Variants in XPR1 observed in about 807,000 individuals in gnomAD.
The protein encoded by XPR1 is xenotropic and polytropic retrovirus receptor 1.
A neutral mutation model predicts 87.5 loss-of-function variants in XPR1; 28 were observed. The ratio of observed to expected loss-of-function variants is 0.32; its 90% CI spans 0.24 to 0.44. The LOEUF (loss-of-function observed/expected upper bound fraction) is 0.44. XPR1 is among the 20% of genes least tolerant of loss of function. XPR1 has a pLI of 1.00. For missense variants in XPR1, 559 were observed against 862.3 expected (o/e 0.65, Z 4.41); for synonymous variants, 300 against 306.1 (o/e 0.98, Z 0.21).
rs905544225 is a variant in XPR1 at position 180,783,385 on chromosome 1, C to A, written c.122-4368C>A. Among the ~76,000 whole-genome samples the A allele has an allele frequency of 9.9e-5, 15 of 151,906 alleles. 1 individual carries two copies. The highest frequency in any genetic ancestry group is 2.4e-5 in the African/African-American group (1 of 41,380). On this transcript the variant is annotated intron_variant, in intron 2 of 14. Coordinates refer to ENST00000367590, the MANE Select transcript of XPR1 (RefSeq NM_004736.4). ...CAGTTAATAATATCCTTTATTTATA[C>A]AGTATAATTTATCCTTTATGAATAC...
intron 2 of XPR1, among the ~76,000 whole-genome samples, chr1:180,743,848 C>G (rs1658997917): frequency 6.6e-6 from 1 of 152,104 alleles, no homozygotes; most frequent in Non-Finnish European, 1.5e-5. Context: ...GAAAATTTCA[C>G]AGTTGTTAAA....
intron 2 of XPR1, among the ~76,000 whole-genome samples, chr1:180,743,142 T>G (rs1180174744): frequency 1.3e-5 from 2 of 152,022 alleles, no homozygotes; most frequent in Non-Finnish European, 2.9e-5. Context: ...ATTGTTATGT[T>G]TGGATTTAGA....
At chr1:180,740,835 T>G (rs1432511700) in intron 2 of XPR1, among the ~76,000 whole-genome samples, 1 of 152,180 alleles carries the variant, frequency 6.6e-6, no homozygotes, top group South Asian at 2.1e-4. Flanking sequence ...CATCAGCAGA[T>G]TCCCATGTCT....
At chr1:180,656,221 C>CT (rs1655461299) in intron 1 of XPR1, among the ~76,000 whole-genome samples, 1 of 144,950 alleles carries the variant, frequency 6.9e-6, no homozygotes, top group Admixed American at 7.5e-5. Flanking sequence ...TGTGCCTGGC[C>CT]TTTTTGACTT....
chr1:180,690,487 A>C (rs12094326), intron 2 of XPR1, among the ~76,000 whole-genome samples: 6,539 of 152,130 alleles, frequency 0.043, 502 homozygotes, highest in African/African-American at 0.15. Flanking sequence ...ATTACTATGA[A>C]CTACAATTCC....
At chr1:180,824,101 C>T (rs1357110972) in intron 7 of XPR1, among the ~76,000 whole-genome samples, 1 of 152,148 alleles carries the variant, frequency 6.6e-6, no homozygotes, top group East Asian at 1.9e-4. Flanking sequence ...CATGCCGGAT[C>T]CCCAAATGAC....
Position 180,682,353 on chromosome 1 carries a change from C to T in XPR1, c.70-7C>T. On this transcript the variant is annotated splice_region_variant and splice_polypyrimidine_tract_variant and intron_variant, in intron 1 of 14. Transcript: ENST00000367590. ...TTTCATATATTGTTTTTCTTTCTTT[C>T]TAATAGGCTTTCAAGGATATGCTGT... The T allele has an allele frequency of 1.3e-6, 2 of 1,586,796 alleles. No homozygotes were observed. The highest frequency in any genetic ancestry group is 1.7e-6 in the Non-Finnish European group (2 of 1,165,232).
At chr1:180,762,399 A>G (rs2102054344) in intron 2 of XPR1, among the ~76,000 whole-genome samples, 1 of 152,348 alleles carries the variant, frequency 6.6e-6, no homozygotes, top group East Asian at 1.9e-4. Flanking sequence ...ACAGAAGTTA[A>G]TTAAAAATAG....
intron 1 of XPR1, among the ~76,000 whole-genome samples, chr1:180,654,342 T>C (rs1294906012): frequency 6.6e-6 from 1 of 152,186 alleles, no homozygotes; most frequent in African/African-American, 2.4e-5. Context: ...TAAGCAACTT[T>C]TAATAGTTTT....
At chr1:180,818,934 G>T (rs1478917383) in intron 7 of XPR1, among the ~76,000 whole-genome samples, 1 of 152,028 alleles carries the variant, frequency 6.6e-6, no homozygotes, top group Non-Finnish European at 1.5e-5. Flanking sequence ...AGTTAAAATT[G>T]CCTTTTGCTT....
At chr1:180,738,465 G>A (rs1308451439) in intron 2 of XPR1, among the ~76,000 whole-genome samples, 2 of 152,084 alleles carry the variant, frequency 1.3e-5, no homozygotes, top group Non-Finnish European at 2.9e-5. Context: ...TGTATAAATA[G>A]GATCTCATTG....
At chr1:180,685,998 C>G (rs1656759616) in intron 2 of XPR1, among the ~76,000 whole-genome samples, 1 of 152,088 alleles carries the variant, frequency 6.6e-6, no homozygotes, top group South Asian at 2.1e-4. Flanking sequence ...CAGTTCTGCT[C>G]TGATCTTAGT....
chr1:180,774,830 T>A (rs2102070407), intron 2 of XPR1, among the ~76,000 whole-genome samples: 1 of 152,342 alleles, frequency 6.6e-6, no homozygotes, highest in Non-Finnish European at 1.5e-5. Flanking sequence ...GGGTAATATA[T>A]AAATAATAGA....
At chr1:180,765,013 C>T (rs1648219387) in intron 2 of XPR1, among the ~76,000 whole-genome samples, 1 of 150,074 alleles carries the variant, frequency 6.7e-6, no homozygotes, top group Non-Finnish European at 1.5e-5. Context: ...TCTCGATCTC[C>T]TGACCTCGTG....
intron 7 of XPR1, among the ~76,000 whole-genome samples, chr1:180,814,408 C>A (rs1305974921): frequency 6.6e-6 from 1 of 152,146 alleles, no homozygotes; most frequent in Non-Finnish European, 1.5e-5. Context: ...AAACTCAGAT[C>A]TATGTTATCA....
chr1:180,807,687 G>A (rs760670439), intron 6 of XPR1, among the ~76,000 whole-genome samples: 8 of 152,112 alleles, frequency 5.3e-5, no homozygotes, highest in Non-Finnish European at 8.8e-5. Context: ...AGACTTCTTT[G>A]TAAAATTGAT....
chr1:180,776,883 C>G (rs930067728), intron 2 of XPR1, among the ~76,000 whole-genome samples: 19 of 151,982 alleles, frequency 1.3e-4, no homozygotes, highest in Admixed American at 5.2e-4. Context: ...TGTGTTCTAC[C>G]AAGAATATTT....
chr1:180,705,690 A>G (rs926959962), intron 2 of XPR1, among the ~76,000 whole-genome samples: 15 of 152,318 alleles, frequency 9.8e-5, no homozygotes, highest in African/African-American at 3.6e-4. Context: ...TAGCAAAACA[A>G]TATGTCGTCT....
chr1:180,740,792 T>C (rs1448484120), intron 2 of XPR1, among the ~76,000 whole-genome samples: 1 of 152,182 alleles, frequency 6.6e-6, no homozygotes, highest in East Asian at 1.9e-4. Context: ...TTGTTTCTCT[T>C]AGCACTCGAG....
Sources: allele counts gnomAD v4.1 joint callset (sites outside exome capture counted in the v4.1 genomes callset), GRCh38; gene constraint gnomAD v4.1.1; transcripts MANE v1.5; gene names NCBI Gene and HGNC (gene_info 2026-07-23, HGNC 2026-07-21).